PLEKHD1: variants seen among roughly 807,000 people sequenced by gnomAD.
PLEKHD1 encodes pleckstrin homology and coiled-coil domain containing D1.
In PLEKHD1, 51 loss-of-function variants were observed where a neutral mutation model predicts 69.2. The observed-to-expected ratio is 0.74, with a 90% CI of 0.59 to 0.93. The LOEUF (loss-of-function observed/expected upper bound fraction) is 0.93, where lower values mean the gene tolerates loss of function less well. PLEKHD1 is among the 40% of genes least tolerant of loss of function. PLEKHD1 has a pLI of 0.00. For missense variants in PLEKHD1, 584 were observed against 641.0 expected (o/e 0.91, Z 0.96); for synonymous variants, 236 against 244.7 (o/e 0.96, Z 0.33).
rs1489216644 is a variant in PLEKHD1, at chr14:69,501,807, G to A, written c.484G>A (p.Glu162Lys). The change falls in exon 5 of 13, where the codon GAA becomes AAA. Residue 162 changes from glutamate to lysine, a missense_variant. Physicochemically the swap from Glu to Lys is moderately conservative, Grantham distance 56. Transcript: ENST00000322564. Reference protein sequence around the residue: ...LEAQGLQLAKEKQEYLDKLME... With the variant: ...LEAQGLQLAKKKQEYLDKLME... The stretch of plus-strand genomic sequence containing the variant: ...GGCCCAGGGGCTGCAGTTGGCTAAG[G>A]AAAAGCAGGAGTATTTAGGTTGGCT... The A allele has an allele frequency of 1.3e-6, 2 of 1,551,290 alleles. No homozygotes were observed. Among genetic ancestry groups the A allele is most frequent in the Admixed American group, 3.9e-5 (2 of 50,964 alleles).
rs1404899678 is a variant in PLEKHD1, at chr14:69,484,980, G to C, written c.15G>C (p.Lys5Asn). ...GCTGAGGCAGGATGTTCACGTCCAAGTCCAACTCGGTGTCGCCCTCGCCGT... is the reference window on the plus strand; with the variant it reads ...GCTGAGGCAGGATGTTCACGTCCAACTCCAACTCGGTGTCGCCCTCGCCGT... MFTS[K>N]SNSVSPSPSL... is the part of the protein sequence containing the mutation. The change falls in exon 1 of 13, where the codon AAG (lysine) becomes AAC (asparagine). Residue 5 changes from lysine to asparagine, a missense_variant. Coordinates refer to ENST00000322564, the MANE Select transcript of PLEKHD1 (RefSeq NM_001161498.2). The C allele has an allele frequency of 6.4e-7, 1 of 1,551,126 alleles. No homozygotes were observed. Among genetic ancestry groups the C allele is most frequent in the Admixed American group, 2.0e-5 (1 of 51,002 alleles).
At chr14:69,472,782 C>G in the PLEKHD1 span, among the ~76,000 whole-genome samples, 3 of 152,314 alleles carry the variant, frequency 2.0e-5, no homozygotes, top group East Asian at 5.8e-4. Flanking sequence ...CACTCTATGG[C>G]AGGGGTCCCC....
At chr14:69,471,619 G>A in the PLEKHD1 span, among the ~76,000 whole-genome samples, 1 of 152,174 alleles carries the variant, frequency 6.6e-6, no homozygotes, top group East Asian at 1.9e-4. Flanking sequence ...TTCTCATTCA[G>A]GACTGGGCAT....
chr14:69,496,571 G>T (rs1882892403), intron 1 of PLEKHD1, among the ~76,000 whole-genome samples: 3 of 152,074 alleles, frequency 2.0e-5, no homozygotes, highest in Non-Finnish European at 2.9e-5. Context: ...TGTCACCCAG[G>T]CTGGAGGCCA....
chr14:69,494,933 G>A (rs987106845), intron 1 of PLEKHD1, among the ~76,000 whole-genome samples: 6 of 152,128 alleles, frequency 3.9e-5, no homozygotes, highest in South Asian at 4.2e-4. Context: ...CCGTTGGGCC[G>A]AACTCATTCC....
the PLEKHD1 span, among the ~76,000 whole-genome samples, chr14:69,473,383 C>G: frequency 6.6e-6 from 1 of 151,752 alleles, no homozygotes; most frequent in Non-Finnish European, 1.5e-5. Context: ...GCCCTGATCC[C>G]TGGCAGGACC....
chr14:69,469,744 C>T, the PLEKHD1 span, among the ~76,000 whole-genome samples: 6 of 151,712 alleles, frequency 4.0e-5, no homozygotes, highest in Non-Finnish European at 5.9e-5. Context: ...TTTTTTGAGA[C>T]GGAGTCTCAC....
intron 6 of PLEKHD1, among the ~76,000 whole-genome samples, chr14:69,520,828 G>C (rs142853231): frequency 6.6e-6 from 1 of 152,244 alleles, no homozygotes; most frequent in Non-Finnish European, 1.5e-5. Context: ...AGGGAACGTA[G>C]CACATCATGC....
chr14:69,468,716 G>A, the PLEKHD1 span, among the ~76,000 whole-genome samples: 1 of 149,476 alleles, frequency 6.7e-6, no homozygotes. Flanking sequence ...GAGCAGCCAG[G>A]ACTACAGGTG....
At chr14:69,509,187 C>T (rs980324972) in intron 6 of PLEKHD1, among the ~76,000 whole-genome samples, 5 of 152,130 alleles carry the variant, frequency 3.3e-5, no homozygotes, top group Admixed American at 2.0e-4. Context: ...ATCTTCTTTG[C>T]TAAGATGTCT....
At chr14:69,501,945 A>G (rs1883036140) in intron 5 of PLEKHD1, 120 bp downstream of exon 5, 2 of 903,510 alleles carry the variant, frequency 2.2e-6, no homozygotes, top group Non-Finnish European at 3.3e-6. Flanking sequence ...ATGAGGGAAC[A>G]GAGACCAGTT....
At chr14:69,474,720 G>A in the PLEKHD1 span, among the ~76,000 whole-genome samples, 1 of 152,264 alleles carries the variant, frequency 6.6e-6, no homozygotes, top group African/African-American at 2.4e-5. Flanking sequence ...CCCCATGGCC[G>A]TGTTTGGCTT....
chr14:69,513,000 G>A lies in PLEKHD1; in HGVS notation c.556-9283G>A, dbSNP rs1038471440. 3.3e-5 allele frequency among the ~76,000 whole-genome samples: 5 copies of A among 152,062 alleles called. No homozygotes were observed. The East Asian group carries it at 7.7e-4, about 23-fold the overall frequency. Reference sequence around the variant, plus strand: ...CGCCACTCAGGAGGCTGAGGCAGGAGGATTACTTGAACCCAGGAGTTACAA... The same window carrying A: ...CGCCACTCAGGAGGCTGAGGCAGGAAGATTACTTGAACCCAGGAGTTACAA... On this transcript the variant is annotated intron_variant, in intron 6 of 12. Transcript: ENST00000322564.
chr14:69,524,761 G>C (rs532977045), intron 8 of PLEKHD1, among the ~76,000 whole-genome samples: 1 of 152,218 alleles, frequency 6.6e-6, no homozygotes, highest in African/African-American at 2.4e-5. Context: ...AACTGGGATG[G>C]GGTGGGGAGG....
intron 6 of PLEKHD1, chr14:69,503,174 C>T: frequency 2.3e-6 from 1 of 428,802 alleles, no homozygotes; most frequent in Non-Finnish European, 4.4e-6. Flanking sequence ...TAATGAGCTG[C>T]TTGTCAATGA....
intron 6 of PLEKHD1, among the ~76,000 whole-genome samples, chr14:69,509,682 A>G (rs1883227406): frequency 6.6e-6 from 1 of 152,116 alleles, no homozygotes; most frequent in Non-Finnish European, 1.5e-5. Context: ...TCATGCCTGT[A>G]ATCCCAGCAC....
At chr14:69,527,722 G>A in intron 11 of PLEKHD1, 61 bp from the exon 12 acceptor site, 3 of 1,527,432 alleles carry the variant, frequency 2.0e-6, no homozygotes, top group Non-Finnish European at 2.7e-6. Context: ...TGGGAAGGGA[G>A]GGACTGGCTG....
intron 1 of PLEKHD1, among the ~76,000 whole-genome samples, chr14:69,490,578 C>A (rs1045971293): frequency 2.0e-5 from 3 of 152,126 alleles, no homozygotes; most frequent in African/African-American, 7.2e-5. Flanking sequence ...TCCAGGGGGA[C>A]TAAGTTTTTT....
upstream of PLEKHD1, among the ~76,000 whole-genome samples, chr14:69,483,051 G>A (rs942081194): frequency 1.3e-5 from 2 of 152,100 alleles, no homozygotes; most frequent in Non-Finnish European, 1.5e-5. Context: ...CTGGCCCCGG[G>A]CTCTCATCAT....
Sources: gnomAD v4.1 joint callset for allele counts (sites outside exome capture counted in the v4.1 genomes callset) on GRCh38, gnomAD v4.1.1 for gene constraint, MANE v1.5 for transcripts, NCBI Gene and HGNC (gene_info 2026-07-23, HGNC 2026-07-21) for gene names.